The following CTBP2 variants were observed in gnomAD, a reference collection of about 807,000 sequenced individuals.
CTBP2 encodes C-terminal-binding protein 2.
A neutral mutation model predicts 80.3 loss-of-function variants in CTBP2; 30 were observed. The observed-to-expected ratio is 0.37, with a 90% confidence interval of 0.28 to 0.51. CTBP2 has a LOEUF of 0.51. Among genes scored for constraint, CTBP2 ranks in the 20% least tolerant of loss-of-function variants. The pLI, the probability that CTBP2 is intolerant of heterozygous loss-of-function variation, is 0.93. For missense variants in CTBP2, 1,212 were observed against 1,375.3 expected (o/e 0.88, Z 1.88); for synonymous variants, 594 against 587.4 (o/e 1.01, Z -0.16).
At chr10:125,036,455 C>T (rs1249318288) in intron 3 of CTBP2, among the ~76,000 whole-genome samples, 1 of 151,718 alleles carries the variant, frequency 6.6e-6, no homozygotes. Flanking sequence ...TGGGAGCAGA[C>T]CGGGTAAGCA....
At chr10:125,011,458 C>G (rs1295489317) in intron 1 of CTBP2, among the ~76,000 whole-genome samples, 1 of 152,206 alleles carries the variant, frequency 6.6e-6, no homozygotes, top group African/African-American at 2.4e-5. Flanking sequence ...CAGTCTGATG[C>G]TCCCCAGAGC....
At position 124,994,689 on chromosome 10, in the gene CTBP2, C is replaced by T. The variant is rs1314571399; in HGVS notation, c.2186-6G>A. ...AACCGCCTGCCCCGTGCGACCTGTA[C>T]AGAAACAGAGCGTCCAGGTGAGTGA... is the stretch of plus-strand genomic sequence containing the variant. On this transcript the variant is annotated splice_polypyrimidine_tract_variant and splice_region_variant and intron_variant, in intron 4 of 8. Transcript: ENST00000309035. 1 of 1,614,146 alleles carries T rather than the reference C, an allele frequency of 6.2e-7. No individual in the cohort carries two copies. The highest frequency in any genetic ancestry group is 2.2e-5 in the East Asian group (1 of 44,870).
chr10:125,162,290 C>T (rs898201781), upstream of CTBP2: 1 of 152,336 alleles, frequency 6.6e-6, no homozygotes, highest in Admixed American at 6.5e-5. Flanking sequence ...TCCTCCATCC[C>T]TGAGTGCCCC....
chr10:125,161,063 T>A, upstream of CTBP2: 1 of 95,638 alleles, frequency 1.0e-5, no homozygotes, highest in Admixed American at 9.4e-5. Context: ...CTCGCTCCTG[T>A]TTTTGGGGGG....
At position 125,092,746 on chromosome 10, in the gene CTBP2, T is replaced by G. The variant is rs185774117; in HGVS notation, c.-102+18244A>C. 2.2e-3 allele frequency among the ~76,000 whole-genome samples: 342 copies of G among 152,328 alleles called. 1 individual carries two copies. Among genetic ancestry groups the G allele is most frequent in the African/African-American group, 7.8e-3 (324 of 41,564 alleles). Reference sequence around the variant, plus strand: ...TGTCCTGTCTCTGGATAAGCCCATGTTGGGCCACACTGTTTCTTCCAGAAC... The same window carrying G: ...TGTCCTGTCTCTGGATAAGCCCATGGTGGGCCACACTGTTTCTTCCAGAAC... On this transcript the variant is annotated intron_variant, in intron 2 of 10. Transcript: ENST00000337195.
At chr10:125,143,569 T>A (rs1052913566) in intron 1 of CTBP2, among the ~76,000 whole-genome samples, 11 of 152,246 alleles carry the variant, frequency 7.2e-5, no homozygotes, top group African/African-American at 2.7e-4. Flanking sequence ...TACCTATTTT[T>A]ATTTGATTTA....
chr10:124,992,248 G>T (rs997534003), intron 8 of CTBP2, among the ~76,000 whole-genome samples: 4 of 148,584 alleles, frequency 2.7e-5, no homozygotes, highest in African/African-American at 5.0e-5. Flanking sequence ...GTGGGGTCGG[G>T]GGGTAGCAGC....
intron 2 of CTBP2, among the ~76,000 whole-genome samples, chr10:125,072,634 G>GAAAAAAAAAAAAAAAAAAA (rs55742060): frequency 7.0e-5 from 7 of 100,136 alleles, no homozygotes; most frequent in Non-Finnish European, 1.4e-4. Flanking sequence ...AAAAAGAAAA[G>GAAAAAAAAAAAAAAAAAAA]AAAAAAAAAA....
chr10:125,065,874 C>T (rs755999611), intron 2 of CTBP2, among the ~76,000 whole-genome samples: 3 of 151,992 alleles, frequency 2.0e-5, no homozygotes, highest in Admixed American at 1.3e-4. Flanking sequence ...CTGAGGTGGG[C>T]GGATAGCTTG....
At position 125,108,217 on chromosome 10, in the gene CTBP2, G is replaced by A. The variant is rs117702632; in HGVS notation, c.-102+2773C>T. ...ACTGAGAGAACGAGCCTCTTGTCAG[G>A]AGAAGGCTGAAGTGTTTGACGTCAA... On this transcript the variant is annotated intron_variant, in intron 2 of 10. Coordinates refer to the CTBP2 transcript ENST00000337195. 4.9e-3 allele frequency among the ~76,000 whole-genome samples: 746 copies of A among 152,332 alleles called. 3 individuals carry two copies. Among genetic ancestry groups the A allele is most frequent in the Admixed American group, 0.011 (171 of 15,296 alleles).
intron 1 of CTBP2, among the ~76,000 whole-genome samples, chr10:125,135,071 C>T (rs982360510): frequency 6.6e-6 from 1 of 152,196 alleles, no homozygotes; most frequent in Non-Finnish European, 1.5e-5. Context: ...TGCGCCCCCA[C>T]TCGCTGCGCT....
intron 2 of CTBP2, among the ~76,000 whole-genome samples, chr10:125,109,835 C>T (rs1287178247): frequency 3.3e-5 from 5 of 152,236 alleles, no homozygotes; most frequent in Non-Finnish European, 5.9e-5. Context: ...TTCCGAGTGC[C>T]AGCAGAGACC....
intron 3 of CTBP2, among the ~76,000 whole-genome samples, chr10:125,033,908 C>T (rs542343279): frequency 2.0e-5 from 3 of 152,198 alleles, no homozygotes; most frequent in African/African-American, 7.2e-5. Flanking sequence ...GGAAACAGCG[C>T]GATTCACTGT....
chr10:125,017,161 A>G (rs1413431478), intron 1 of CTBP2, among the ~76,000 whole-genome samples: 2 of 152,250 alleles, frequency 1.3e-5, no homozygotes, highest in Non-Finnish European at 2.9e-5. Context: ...GAAGAGCTTA[A>G]CAACTTCAAC....
At chr10:125,138,712 T>C (rs974760781) in intron 1 of CTBP2, among the ~76,000 whole-genome samples, 9 of 147,890 alleles carry the variant, frequency 6.1e-5, no homozygotes, top group African/African-American at 9.9e-5. Context: ...CCCGAATAAA[T>C]GTAAAACAAA....
At chr10:125,143,263 C>T (rs1221556200) in intron 1 of CTBP2, among the ~76,000 whole-genome samples, 3 of 152,006 alleles carry the variant, frequency 2.0e-5, no homozygotes, top group African/African-American at 4.8e-5. Flanking sequence ...TGAGGCAGGC[C>T]GACCACCTGA....
chr10:125,026,633 C>T lies in CTBP2; in HGVS notation c.1127G>A (p.Ser376Asn). The T allele has an allele frequency of 6.4e-7, 1 of 1,565,088 alleles. No homozygotes were observed. The highest frequency in any genetic ancestry group is 1.1e-5 in the South Asian group (1 of 87,124). Reference sequence around the variant, plus strand: ...AGCCAAGTCACCATGGAGCAGTTCGCTTCGGTGGCTGAAGCTGCTGGACCG... The same window carrying T: ...AGCCAAGTCACCATGGAGCAGTTCGTTTCGGTGGCTGAAGCTGCTGGACCG... The change falls in exon 1 of 9, where the codon AGC (serine) becomes AAC (asparagine). Residue 376 changes from serine to asparagine, a missense_variant. By Grantham distance (46) the Ser-to-Asn change is conservative (BLOSUM62 1). Coordinates refer to ENST00000309035, the MANE Select transcript of CTBP2 (RefSeq NM_022802.3).
At chr10:125,044,200 G>C (rs778240944) in intron 2 of CTBP2, among the ~76,000 whole-genome samples, 2 of 152,188 alleles carry the variant, frequency 1.3e-5, no homozygotes, top group Non-Finnish European at 2.9e-5. Flanking sequence ...CTTCACCGCA[G>C]CCTACAGGGC....
chr10:125,156,427 T>A (rs1313098921), intron 1 of CTBP2, among the ~76,000 whole-genome samples: 2 of 152,234 alleles, frequency 1.3e-5, no homozygotes, highest in African/African-American at 4.8e-5. Context: ...AGGGAAAGCG[T>A]TAAGTGCAAA....
Sources: gnomAD v4.1 joint callset for allele counts (sites outside exome capture counted in the v4.1 genomes callset) on GRCh38, gnomAD v4.1.1 for gene constraint, MANE v1.5 for transcripts, NCBI Gene and HGNC (gene_info 2026-07-23, HGNC 2026-07-21) for gene names.